The following SULT1C3 variants were observed in gnomAD, a reference collection of about 807,000 sequenced individuals.
The protein encoded by SULT1C3 is sulfotransferase 1C3.
A neutral mutation model predicts 28.4 loss-of-function variants in SULT1C3; 31 were observed. The observed-to-expected ratio is 1.09, with a 90% CI of 0.82 to 1.47. SULT1C3 has a LOEUF of 1.47. SULT1C3 is among the 40% of genes most tolerant of loss of function. The pLI is 0.00. For synonymous variants in SULT1C3, 106 were observed against 92.2 expected (o/e 1.15, Z -0.86); for missense variants, 307 against 272.5 (o/e 1.13, Z -0.89).
At chr2:108,245,693 G>A (rs1381425007) in intron 1 of SULT1C3, among the ~76,000 whole-genome samples, 5 of 152,096 alleles carry the variant, frequency 3.3e-5, no homozygotes, top group Non-Finnish European at 7.4e-5. Flanking sequence ...CAGGCTTCCG[G>A]GCCTGTGATA....
At chr2:108,247,843 A>G (rs1017987036) in intron 2 of SULT1C3, among the ~76,000 whole-genome samples, 1 of 152,188 alleles carries the variant, frequency 6.6e-6, no homozygotes, top group South Asian at 2.1e-4. Flanking sequence ...GAAAAGCCCA[A>G]TGACTGACCT....
chr2:108,255,785 A>C, intron 5 of SULT1C3, 87 bp downstream of exon 5: 2 of 1,483,104 alleles, frequency 1.3e-6, no homozygotes, highest in Non-Finnish European at 1.8e-6. Context: ...AAGTTACAAA[A>C]GGCCATCCTG....
At chr2:108,242,430 G>A (rs144489546) in intron 1 of SULT1C3, among the ~76,000 whole-genome samples, 1 of 152,212 alleles carries the variant, frequency 6.6e-6, no homozygotes, top group East Asian at 1.9e-4. Context: ...GCATTTTTTA[G>A]TGCCTAATAA....
intron 3 of SULT1C3, 133 bp downstream of exon 3, chr2:108,252,626 C>A: frequency 1.9e-6 from 2 of 1,074,174 alleles, no homozygotes; most frequent in South Asian, 2.2e-5. Flanking sequence ...GTTCTCAGGC[C>A]AACAATCAAA....
At chr2:108,261,729 G>A (rs1185737931), downstream of SULT1C3, among the ~76,000 whole-genome samples, 2 of 152,066 alleles carry the variant, frequency 1.3e-5, no homozygotes, top group Non-Finnish European at 2.9e-5. Flanking sequence ...AGGGAATCAG[G>A]AACAATATAC....
chr2:108,255,562 T>G lies in SULT1C3; in HGVS notation c.400-10T>G. 1 of 1,609,054 alleles carries G rather than the reference T, an allele frequency of 6.2e-7. No individual in the cohort carries two copies. The highest frequency in any genetic ancestry group is 1.7e-4 in the Middle Eastern group (1 of 6,016). The stretch of plus-strand genomic sequence containing the variant: ...CTCTCCATGGCTTCCTTCCCTCTCC[T>G]TGATTTCAGATTGTCTATGTGGCCA... On this transcript the variant is annotated splice_polypyrimidine_tract_variant and intron_variant, in intron 4 of 7. Transcript: ENST00000681802.
intron 2 of SULT1C3, among the ~76,000 whole-genome samples, chr2:108,250,494 G>T (rs1459164933): frequency 6.6e-6 from 1 of 151,868 alleles, no homozygotes; most frequent in Non-Finnish European, 1.5e-5. Flanking sequence ...TGAACAGTTT[G>T]TTATAAAACT....
intron 2 of SULT1C3, among the ~76,000 whole-genome samples, chr2:108,250,511 G>C (rs1675702684): frequency 1.3e-5 from 2 of 151,880 alleles, no homozygotes; most frequent in Non-Finnish European, 2.9e-5. Context: ...AACTAAACAT[G>C]CACCTACCAC....
intron 4 of SULT1C3, among the ~76,000 whole-genome samples, chr2:108,253,957 T>C (rs1201702640): frequency 6.6e-6 from 1 of 151,944 alleles, no homozygotes; most frequent in Admixed American, 6.6e-5. Flanking sequence ...CCCATCCTTC[T>C]AATCTGTGCA....
chr2:108,256,239 AG>A (rs1282037088), intron 5 of SULT1C3, among the ~76,000 whole-genome samples: 1 of 152,048 alleles, frequency 6.6e-6, no homozygotes, highest in African/African-American at 2.4e-5. Flanking sequence ...TGAACACATT[AG>A]GGCCACACTT....
intron 2 of SULT1C3, 99 bp downstream of exon 2, chr2:108,247,465 C>T (rs1675616832): frequency 5.2e-6 from 6 of 1,153,280 alleles, no homozygotes; most frequent in Middle Eastern, 2.3e-4. Flanking sequence ...TGGAGAGAAA[C>T]AATTCCTCAT....
chr2:108,252,283 G>T, intron 2 of SULT1C3, 82 bp from the exon 3 acceptor site: 2 of 1,370,520 alleles, frequency 1.5e-6, no homozygotes, highest in Non-Finnish European at 2.0e-6. Flanking sequence ...CTCTCATGTT[G>T]CTGTCTTTCT....
rs779195785 is a variant in SULT1C3, at chr2:108,255,699, G to C, written c.526+1G>C. The C allele has an allele frequency of 6.2e-7, 1 of 1,609,690 alleles. No homozygotes were observed. The highest frequency in any genetic ancestry group is 8.5e-7 in the Non-Finnish European group (1 of 1,177,200). The stretch of plus-strand genomic sequence containing the variant: ...TATGAGAAATTCATGTCCGGAAAAG[G>C]TGAGTTCAAACTGATCTTTTTGGTA... On this transcript the variant is annotated splice_donor_variant, in intron 5 of 7. Transcript: ENST00000681802. LOFTEE classifies it high-confidence loss of function.
chr2:108,241,979 T>A (rs948021330), intron 1 of SULT1C3, among the ~76,000 whole-genome samples: 4 of 151,536 alleles, frequency 2.6e-5, no homozygotes, highest in Non-Finnish European at 5.9e-5. Context: ...GCGATTTTAA[T>A]TATATACCAG....
intron 1 of SULT1C3, among the ~76,000 whole-genome samples, chr2:108,244,192 C>T (rs1350872334): frequency 6.6e-6 from 1 of 152,136 alleles, no homozygotes; most frequent in Admixed American, 6.5e-5. Flanking sequence ...TCCTTATTAT[C>T]CCCTTTACTG....
intron 1 of SULT1C3, among the ~76,000 whole-genome samples, chr2:108,245,347 G>A (rs2104382833): frequency 6.6e-6 from 1 of 152,198 alleles, no homozygotes; most frequent in South Asian, 2.1e-4. Flanking sequence ...CACATAATTG[G>A]GCAAGGCCCC....
downstream of SULT1C3, among the ~76,000 whole-genome samples, chr2:108,261,529 T>A (rs1047990195): frequency 6.6e-6 from 1 of 152,134 alleles, no homozygotes; most frequent in African/African-American, 2.4e-5. Context: ...GTTTTTTATA[T>A]GACCAAGTAC....
chr2:108,242,176 A>G (rs1675476518), intron 1 of SULT1C3, among the ~76,000 whole-genome samples: 1 of 152,194 alleles, frequency 6.6e-6, no homozygotes, highest in African/African-American at 2.4e-5. Flanking sequence ...CTTGTATTCT[A>G]CCAATAATTC....
Position 108,258,823 on chromosome 2 carries a change from A to T in SULT1C3, c.616A>T (p.Lys206Ter). The T allele has an allele frequency of 6.2e-7, 1 of 1,610,710 alleles. No individual in the cohort carries two copies. The highest frequency in any genetic ancestry group is 8.5e-7 in the Non-Finnish European group (1 of 1,177,836). ...CCTCTACCTCTTCTACGAGGATATT[A>T]AAAAAGTAAGTGGCACTGAGACTTA... Reference protein sequence around the residue: ...RILYLFYEDIKKNPKHEIHKV... With the variant: ...RILYLFYEDI The change falls in exon 6 of 8, where the codon AAA becomes TAA. Residue 206 changes from lysine to a stop codon, truncating the protein, a stop_gained. Coordinates refer to ENST00000681802, the MANE Select transcript of SULT1C3 (RefSeq NM_001320878.2). LOFTEE classifies it high-confidence loss of function.
Sources: allele counts gnomAD v4.1 joint callset (sites outside exome capture counted in the v4.1 genomes callset), GRCh38; gene constraint gnomAD v4.1.1; transcripts MANE v1.5; gene names NCBI Gene and HGNC (gene_info 2026-07-23, HGNC 2026-07-21).